Variants in IL5RA observed in about 807,000 individuals in gnomAD.
IL5RA encodes the protein interleukin 5 receptor subunit alpha.
Under a neutral mutation model 50.0 loss-of-function variants are expected in IL5RA, and 49 were observed. The ratio of observed to expected loss-of-function variants is 0.98; its 90% CI spans 0.78 to 1.24. The LOEUF (loss-of-function observed/expected upper bound fraction) is 1.24, where lower values mean the gene tolerates loss of function less well. Ranked by LOEUF, IL5RA falls within the 50% of genes most tolerant of loss-of-function variation. The pLI is 0.00. For synonymous variants in IL5RA, 202 were observed against 174.0 expected (o/e 1.16, Z -1.26); for missense variants, 600 against 500.4 (o/e 1.20, Z -1.90).
chr3:3,095,164 T>C, intron 8 of IL5RA, 135 bp downstream of exon 8: 2 of 643,828 alleles, frequency 3.1e-6, no homozygotes, highest in Non-Finnish European at 5.4e-6. Context: ...ATATCTATAA[T>C]ACCTGGGTAG....
At chr3:3,095,195 G>A (rs1326786950) in intron 8 of IL5RA, 104 bp downstream of exon 8, 9 of 820,446 alleles carry the variant, frequency 1.1e-5, no homozygotes, top group Middle Eastern at 3.7e-4. Flanking sequence ...CTTTGACCTT[G>A]TTAGTACCAA....
intron 7 of IL5RA, among the ~76,000 whole-genome samples, chr3:3,096,468 G>A (rs1022477140): frequency 3.9e-5 from 6 of 152,074 alleles, no homozygotes; most frequent in African/African-American, 7.2e-5. Context: ...AATTAATAGG[G>A]AAAAGCTAGG....
chr3:3,097,766 T>A, intron 7 of IL5RA, 104 bp downstream of exon 7: 1 of 1,217,352 alleles, frequency 8.2e-7, no homozygotes, highest in East Asian at 2.5e-5. Context: ...GATGCTTACT[T>A]GGCATCAGAG....
At position 3,094,208 on chromosome 3, in the gene IL5RA, A is replaced by G. The variant is rs903198919; in HGVS notation, c.855+1091T>C. Among the ~76,000 whole-genome samples, 8 of 152,308 alleles carry G rather than the reference A, an allele frequency of 5.3e-5. No individual in the cohort carries two copies. In the South Asian group the frequency reaches 1.7e-3, roughly 32 times the overall value. ...ATAGTTTCACATTGTTGTGTCACCAATGTTCAACACTCTTTTAATCTTGCA... is the reference window on the plus strand; with the variant it reads ...ATAGTTTCACATTGTTGTGTCACCAGTGTTCAACACTCTTTTAATCTTGCA... On this transcript the variant is annotated intron_variant, in intron 8 of 11. Coordinates refer to ENST00000446632, the MANE Select transcript of IL5RA (RefSeq NM_175726.4).
chr3:3,084,401 A>G (rs995479279), intron 9 of IL5RA, among the ~76,000 whole-genome samples: 1 of 152,226 alleles, frequency 6.6e-6, no homozygotes, highest in Non-Finnish European at 1.5e-5. Flanking sequence ...TATTCTAGAT[A>G]CTGAGGAACA....
At chr3:3,109,407 G>A (rs1374523926) in intron 1 of IL5RA, among the ~76,000 whole-genome samples, 2 of 152,116 alleles carry the variant, frequency 1.3e-5, no homozygotes, top group Non-Finnish European at 2.9e-5. Context: ...GCTTAACTCT[G>A]AAACTTCCTG....
chr3:3,086,369 G>A (rs1016301851), intron 9 of IL5RA, among the ~76,000 whole-genome samples: 1 of 152,172 alleles, frequency 6.6e-6, no homozygotes, highest in Non-Finnish European at 1.5e-5. Flanking sequence ...GAAACAAAAG[G>A]TTTCGATAAA....
At chr3:3,101,907 TTTC>T in intron 4 of IL5RA, 77 bp from the exon 5 acceptor site, 1 of 1,285,888 alleles carries the variant, frequency 7.8e-7, no homozygotes, top group South Asian at 1.4e-5. Context: ...AAATATGCAT[TTTC>T]TTCTACTTTT....
intron 9 of IL5RA, among the ~76,000 whole-genome samples, chr3:3,077,055 A>T (rs1030354631): frequency 7.2e-5 from 11 of 152,256 alleles, no homozygotes; most frequent in Non-Finnish European, 1.5e-4. Flanking sequence ...AAAGTTGGAA[A>T]TTAAACTTTT....
chr3:3,078,928 T>A (rs1344371107), intron 9 of IL5RA, among the ~76,000 whole-genome samples: 1 of 152,190 alleles, frequency 6.6e-6, no homozygotes, highest in East Asian at 1.9e-4. Context: ...TTCCTCCTAG[T>A]CTAATTCAAA....
chr3:3,086,949 G>A (rs1225858780), intron 9 of IL5RA, among the ~76,000 whole-genome samples: 1 of 152,126 alleles, frequency 6.6e-6, no homozygotes, highest in Non-Finnish European at 1.5e-5. Context: ...TTACCCTAAG[G>A]AAAGTAATCA....
At chr3:3,079,268 G>T (rs528553160) in intron 9 of IL5RA, among the ~76,000 whole-genome samples, 4 of 152,216 alleles carry the variant, frequency 2.6e-5, no homozygotes, top group Admixed American at 2.0e-4. Context: ...CTGTCCGTAG[G>T]TAAAACCTGC....
intron 5 of IL5RA, among the ~76,000 whole-genome samples, chr3:3,099,431 C>T (rs1703530423): frequency 6.6e-6 from 1 of 151,992 alleles, no homozygotes; most frequent in South Asian, 2.1e-4. Context: ...GAGTTTGAAA[C>T]AAGACTGGGC....
Position 3,092,450 on chromosome 3 carries a change from A to G in IL5RA, c.856-88T>C, listed in dbSNP as rs1703168716. ...CAGAATGGGAGGTCCTATATAGGTC[A>G]TGTGACTCACTGTTCAGCAAGTCCT... On this transcript the variant is annotated intron_variant, in intron 8 of 11. Transcript: ENST00000446632. The surrounding 1 kb of genome is among the most constrained non-coding windows in gnomAD (Gnocchi z 4.2). 10 of 1,211,954 alleles carry G rather than the reference A, an allele frequency of 8.3e-6. No homozygotes were observed. In the South Asian group the frequency reaches 1.3e-4, roughly 16 times the overall value. 75.1% of individuals were successfully genotyped at this position (1,211,954 alleles called of 1,614,324 possible). A position where few individuals can be genotyped will look rare whatever the true frequency, so the allele number is the denominator to read the frequency against.
At chr3:3,101,559 T>G in intron 5 of IL5RA, 133 bp downstream of exon 5, 1 of 763,856 alleles carries the variant, frequency 1.3e-6, no homozygotes, top group Non-Finnish European at 2.1e-6. Flanking sequence ...GGTTAGGATG[T>G]TGTTGATATG....
intron 11 of IL5RA, 103 bp from the exon 12 acceptor site, chr3:3,070,414 A>G: frequency 1.4e-6 from 1 of 696,478 alleles, no homozygotes; most frequent in East Asian, 2.8e-5. Flanking sequence ...AAATAAAAAT[A>G]GTAAATGTTC....
In IL5RA at chr3:3,081,039, CT is replaced by C. The variant is rs1298067173; in HGVS notation, c.995-4413del. Among the ~76,000 whole-genome samples the C allele has an allele frequency of 2.0e-5, 3 of 151,862 alleles. No homozygotes were observed. The East Asian group carries it at 5.8e-4, about 29-fold the overall frequency. ...TTTTCAAGTTTTTTTTTGAAATATA[CT>C]TATGTCTATTGTTTTACAAAAAGGC... On this transcript the variant is annotated intron_variant, in intron 9 of 11. Transcript: ENST00000446632.
intron 5 of IL5RA, 32 bp downstream of exon 5, chr3:3,101,660 A>C: frequency 6.2e-7 from 1 of 1,602,768 alleles, no homozygotes; most frequent in Non-Finnish European, 8.5e-7. Context: ...AGTCCAAAAC[A>C]TACAAACTGG....
rs180846880 is a variant in IL5RA at position 3,090,042 on chromosome 3, G to T, written c.994+2182C>A. The T allele has an allele frequency of 1.2e-5, 7 of 595,284 alleles. No homozygotes were observed. The Admixed American group carries it at 2.2e-4, about 19-fold the overall frequency. The allele number at this position is 595,284 out of a possible 1,614,324, so 36.9% of individuals were successfully genotyped here. A position where few individuals can be genotyped will look rare whatever the true frequency, so the allele number is the denominator to read the frequency against. On this transcript the variant is annotated intron_variant, in intron 9 of 11. Transcript: ENST00000446632. ...AATCTGGGGTTAGAGCCCCATCCCT[G>T]CCACTTGTTGGCCATGCAGAACAGA... is the stretch of plus-strand genomic sequence containing the variant.
Sources: gnomAD v4.1 joint callset for allele counts (sites outside exome capture counted in the v4.1 genomes callset) on GRCh38, gnomAD v4.1.1 for gene constraint, Gnocchi (gnomAD v3.1) non-coding constraint, MANE v1.5 for transcripts, NCBI Gene and HGNC (gene_info 2026-07-23, HGNC 2026-07-21) for gene names.